HLA-DOB: variants seen among roughly 807,000 people sequenced by gnomAD.
HLA-DOB encodes the protein HLA class II histocompatibility antigen, DO beta chain.
HLA-DOB carries 25 observed loss-of-function variants against 27.7 expected under a neutral mutation model. The observed-to-expected ratio is 0.90, with a 90% CI of 0.66 to 1.26. The LOEUF (loss-of-function observed/expected upper bound fraction) is 1.26, where lower values mean the gene tolerates loss of function less well. HLA-DOB is among the 50% of genes most tolerant of loss of function. The pLI, the probability that HLA-DOB is intolerant of heterozygous loss-of-function variation, is 0.00. For synonymous variants in HLA-DOB, 137 were observed against 125.6 expected (o/e 1.09, Z -0.61); for missense variants, 306 against 324.9 (o/e 0.94, Z 0.45).
chr6:32,815,108 C>A lies in HLA-DOB; in HGVS notation c.297G>T (p.Gln99His), dbSNP rs758209124. 6.2e-7 allele frequency: 1 copy of A among 1,614,254 alleles called. No homozygotes were observed. Among genetic ancestry groups the A allele is most frequent in the Non-Finnish European group, 8.5e-7 (1 of 1,180,050 alleles). The change falls in exon 2 of 6, where the codon CAG (glutamine) becomes CAT (histidine). Residue 99 changes from glutamine (Q) to histidine (H), a missense_variant. Coordinates refer to ENST00000438763, the MANE Select transcript of HLA-DOB (RefSeq NM_002120.4). ...TGTGTCTACAGACCCCATCCACGGC[C>A]TGTCTGCTCCTCTCCAAGAGATCCA... Reference protein sequence around the residue: ...SRLDLLERSRQAVDGVCRHNY... With the variant: ...SRLDLLERSRHAVDGVCRHNY...
intron 4 of HLA-DOB, 101 bp from the exon 5 acceptor site, chr6:32,813,572 C>G: frequency 2.2e-6 from 3 of 1,364,264 alleles, no homozygotes; most frequent in Non-Finnish European, 3.1e-6. Context: ...ACTCTCTCTG[C>G]TTATCCCATT....
intron 3 of HLA-DOB, 93 bp downstream of exon 3, chr6:32,814,227 G>T: frequency 1.6e-6 from 2 of 1,230,556 alleles, no homozygotes; most frequent in Non-Finnish European, 2.3e-6. Context: ...AATTCATGTT[G>T]TGACCAAGAT....
chr6:32,815,221 C>T lies in HLA-DOB; in HGVS notation c.184G>A (p.Glu62Lys). The T allele has an allele frequency of 6.2e-7, 1 of 1,614,220 alleles. No homozygotes were observed. Among genetic ancestry groups the T allele is most frequent in the Non-Finnish European group, 8.5e-7 (1 of 1,180,044 alleles). ...ACATCACTGTCGAAACGTACATACT[C>T]CTCCAAGTTAAAGATGAATCTGACC... Reference protein sequence around the residue: ...FVVRFIFNLEEYVRFDSDVGM... With the variant: ...FVVRFIFNLEKYVRFDSDVGM... Residue 62 changes from glutamate to lysine, a missense_variant, in exon 2 of 6, where the codon GAG (glutamate) becomes AAG (lysine). Glu to Lys is a moderately conservative substitution (Grantham distance 56). Transcript: ENST00000438763.
In HLA-DOB at chr6:32,814,621, G is replaced by A. The variant is rs1767941603; in HGVS notation, c.362-20C>T. ...GTTGCACTAGGAAGGGAGGAAAAAT[G>A]AGACACCGTGAAAGAAAACCACCAA... On this transcript the variant is annotated intron_variant, in intron 2 of 5. Coordinates refer to ENST00000438763, the MANE Select transcript of HLA-DOB (RefSeq NM_002120.4). The A allele has an allele frequency of 6.2e-7, 1 of 1,601,562 alleles. No homozygotes were observed. The highest frequency in any genetic ancestry group is 8.5e-7 in the Non-Finnish European group (1 of 1,171,824).
At position 32,813,187 on chromosome 6, in the gene HLA-DOB, C is replaced by A. The variant is rs748194214; in HGVS notation, c.*29G>T. The A allele has an allele frequency of 6.2e-7, 1 of 1,609,450 alleles. No homozygotes were observed. Among genetic ancestry groups the A allele is most frequent in the Non-Finnish European group, 8.5e-7 (1 of 1,176,698 alleles). ...CCAGACTACTCATCACTACTTCAGG[C>A]TCCAGAGAGAGAAGCTTCAGTGAGG... is the stretch of plus-strand genomic sequence containing the variant. On this transcript the variant is annotated 3_prime_UTR_variant, in exon 6 of 6. Coordinates refer to ENST00000438763, the MANE Select transcript of HLA-DOB (RefSeq NM_002120.4).
Position 32,814,677 on chromosome 6 carries a change from A to G in HLA-DOB, c.362-76T>C, listed in dbSNP as rs968705792. The G allele has an allele frequency of 2.2e-5, 28 of 1,300,858 alleles. No homozygotes were observed. In the African/African-American group the frequency reaches 3.7e-4, roughly 17 times the overall value. 80.6% of individuals were successfully genotyped at this position (1,300,858 alleles called of 1,614,324 possible). ...GACAGGAGATTCTTTAGGGACTATC[A>G]CTATGTCTAATCTCTTTCCCAGATC... On this transcript the variant is annotated intron_variant, in intron 2 of 5. Coordinates refer to ENST00000438763, the MANE Select transcript of HLA-DOB (RefSeq NM_002120.4).
At chr6:32,814,880 C>T (rs1227215074) in intron 2 of HLA-DOB, among the ~76,000 whole-genome samples, 164 bp downstream of exon 2, 1 of 152,164 alleles carries the variant, frequency 6.6e-6, no homozygotes, top group Non-Finnish European at 1.5e-5. Flanking sequence ...ACCAAGATCA[C>T]AGTGGCTGAC....
chr6:32,814,274 T>C (rs1767921601), intron 3 of HLA-DOB, 46 bp downstream of exon 3: 1 of 1,557,912 alleles, frequency 6.4e-7, no homozygotes, highest in Non-Finnish European at 8.8e-7. Flanking sequence ...ATTGAGTCAG[T>C]ATAGTCCTGA....
chr6:32,813,758 A>G lies in HLA-DOB; in HGVS notation c.719T>C (p.Leu240Pro). 1 of 1,561,512 alleles carries G rather than the reference A, an allele frequency of 6.4e-7. No homozygotes were observed. The highest frequency in any genetic ancestry group is 8.7e-7 in the Non-Finnish European group (1 of 1,151,452). ...AAFLLGLIFL[L>P]VGIVIQLRAQ... The stretch of plus-strand genomic sequence containing the variant: ...CCTTAGCTGGATGACGATTCCCACC[A>G]GAAGGAAGATTAGCCCAAGTAGGAA... Residue 240 changes from leucine to proline, a missense_variant, in exon 4 of 6, where the codon CTG becomes CCG. Coordinates refer to ENST00000438763, the MANE Select transcript of HLA-DOB (RefSeq NM_002120.4).
chr6:32,815,020 G>A (rs377514606), intron 2 of HLA-DOB, 24 bp downstream of exon 2: 12 of 1,611,642 alleles, frequency 7.4e-6, no homozygotes, highest in African/African-American at 2.7e-5. Flanking sequence ...CCTGAGCCCC[G>A]CCAGACCTCA....
chr6:32,813,624 C>T, intron 4 of HLA-DOB, 99 bp downstream of exon 4: 2 of 1,171,480 alleles, frequency 1.7e-6, no homozygotes, highest in Non-Finnish European at 1.3e-6. Context: ...CCCTGAGAGG[C>T]ACAATCAGCT....
chr6:32,813,424 G>C lies in HLA-DOB; in HGVS notation c.786+16C>G. The stretch of plus-strand genomic sequence containing the variant: ...GAATGATCTGCCACTCAAAGACAAG[G>C]AAAAAGAGACATTACCTCATTACCA... On this transcript the variant is annotated intron_variant, in intron 5 of 5. Coordinates refer to ENST00000438763, the MANE Select transcript of HLA-DOB (RefSeq NM_002120.4). The C allele has an allele frequency of 6.2e-7, 1 of 1,612,578 alleles. No homozygotes were observed. The highest frequency in any genetic ancestry group is 1.1e-5 in the South Asian group (1 of 91,068).
chr6:32,813,433 A>ACATTACTT lies in HLA-DOB; in HGVS notation c.786+6_786+7insAAGTAATG. The ACATTACTT allele has an allele frequency of 6.2e-7, 1 of 1,612,972 alleles. No homozygotes were observed. The highest frequency in any genetic ancestry group is 1.1e-5 in the South Asian group (1 of 91,074). Reference sequence around the variant, plus strand: ...GCCACTCAAAGACAAGGAAAAAGAGACATTACCTCATTACCAGACATCTGC... The same window carrying ACATTACTT: ...GCCACTCAAAGACAAGGAAAAAGAGACATTACTTCATTACCTCATTACCAGACATCTGC... On this transcript the variant is annotated splice_region_variant and intron_variant, in intron 5 of 5. Coordinates refer to ENST00000438763, the MANE Select transcript of HLA-DOB (RefSeq NM_002120.4).
chr6:32,814,273 G>C, intron 3 of HLA-DOB, 47 bp downstream of exon 3: 1 of 1,555,456 alleles, frequency 6.4e-7, no homozygotes, highest in Non-Finnish European at 8.8e-7. Context: ...TATTGAGTCA[G>C]TATAGTCCTG....
rs1461220089 is a variant in HLA-DOB at position 32,813,458 on chromosome 6, C to T, written c.768G>A (p.Thr256=). ...ACATTACCTCATTACCAGACATCTG[C>T]GTCCTCACATATCCTGGAAAGAAAT... ...QLRAQKGYVR[T]QMSGNEVSRA... The change falls in exon 5 of 6, where the codon ACG becomes ACA. Residue 256 remains threonine (T), a synonymous_variant. Coordinates refer to ENST00000438763, the MANE Select transcript of HLA-DOB (RefSeq NM_002120.4). 5.6e-6 allele frequency: 9 copies of T among 1,613,004 alleles called. No homozygotes were observed. Among genetic ancestry groups the T allele is most frequent in the Admixed American group, 1.7e-5 (1 of 60,016 alleles).
At chr6:32,816,551 G>C (rs1362392776) in intron 1 of HLA-DOB, among the ~76,000 whole-genome samples, 1 of 152,114 alleles carries the variant, frequency 6.6e-6, no homozygotes, top group African/African-American at 2.4e-5. Context: ...CAGCAGGCTC[G>C]AACCCAAGCC....
chr6:32,814,889 A>G (rs549441445), intron 2 of HLA-DOB, among the ~76,000 whole-genome samples, 155 bp downstream of exon 2: 1 of 152,288 alleles, frequency 6.6e-6, no homozygotes, highest in South Asian at 2.1e-4. Flanking sequence ...ACAGTGGCTG[A>G]CTTGTGAGGA....
chr6:32,812,928 G>A lies in HLA-DOB; in HGVS notation c.*288C>T. On this transcript the variant is annotated 3_prime_UTR_variant, in exon 6 of 6. Transcript: ENST00000438763. ...CTTATAGGAGTAGGGCTGGACCACAGAAAAGTAAATGATTTGGGGCTGGAA... is the reference window on the plus strand; with the variant it reads ...CTTATAGGAGTAGGGCTGGACCACAAAAAAGTAAATGATTTGGGGCTGGAA... 1.9e-6 allele frequency: 1 copy of A among 523,164 alleles called. No homozygotes were observed. Among genetic ancestry groups the A allele is most frequent in the Non-Finnish European group, 3.4e-6 (1 of 292,392 alleles). The allele number at this position is 523,164 out of a possible 1,614,324, so 32.4% of individuals were successfully genotyped here. A position where few individuals can be genotyped will look rare whatever the true frequency, so the allele number is the denominator to read the frequency against.
intron 1 of HLA-DOB, among the ~76,000 whole-genome samples, chr6:32,815,889 A>G (rs751439005): frequency 2.0e-5 from 3 of 152,228 alleles, no homozygotes; most frequent in Non-Finnish European, 4.4e-5. Context: ...GAACTGAGCC[A>G]TAAGAATGAC....
Sources: gnomAD v4.1 joint callset for allele counts (sites outside exome capture counted in the v4.1 genomes callset) on GRCh38, gnomAD v4.1.1 for gene constraint, MANE v1.5 for transcripts, NCBI Gene and HGNC (gene_info 2026-07-23, HGNC 2026-07-21) for gene names.